The following ADH7 variants were observed in gnomAD, a reference collection of about 807,000 sequenced individuals.
The protein encoded by ADH7 is all-trans-retinol dehydrogenase [NAD(+)] ADH7.
Under a neutral mutation model 34.4 loss-of-function variants are expected in ADH7, and 41 were observed. The observed-to-expected ratio is 1.19, with a 90% CI of 0.93 to 1.55. The LOEUF (loss-of-function observed/expected upper bound fraction) is 1.55. Among genes scored for constraint, ADH7 ranks in the 40% most tolerant of loss-of-function variants. ADH7 has a pLI of 0.00. For missense variants in ADH7, 540 were observed against 461.2 expected (o/e 1.17, Z -1.56); for synonymous variants, 180 against 160.9 (o/e 1.12, Z -0.90).
intron 5 of ADH7, among the ~76,000 whole-genome samples, chr4:99,423,600 G>A (rs1394665770): frequency 2.6e-5 from 4 of 152,102 alleles, no homozygotes; most frequent in Admixed American, 6.5e-5. Flanking sequence ...TCTCATTGTG[G>A]TTTTGATTTG....
At chr4:99,413,424 G>T (rs1721452117) in intron 8 of ADH7, among the ~76,000 whole-genome samples, 1 of 152,130 alleles carries the variant, frequency 6.6e-6, no homozygotes, top group Admixed American at 6.6e-5. Flanking sequence ...CCAGGTTGAG[G>T]AGAAAGCATG....
intron 7 of ADH7, among the ~76,000 whole-genome samples, chr4:99,417,469 A>G (rs1248247740): frequency 6.6e-6 from 1 of 152,178 alleles, no homozygotes; most frequent in East Asian, 1.9e-4. Context: ...TACCTTATCA[A>G]GGAGGCCTTC....
At chr4:99,431,117 C>G (rs749139055) in intron 1 of ADH7, among the ~76,000 whole-genome samples, 15 of 152,034 alleles carry the variant, frequency 9.9e-5, no homozygotes, top group Non-Finnish European at 1.6e-4. Flanking sequence ...TTTTTAAAGT[C>G]AAACTATTTT....
chr4:99,417,936 T>G (rs1203564989), intron 7 of ADH7, among the ~76,000 whole-genome samples: 1 of 152,204 alleles, frequency 6.6e-6, no homozygotes, highest in Non-Finnish European at 1.5e-5. Flanking sequence ...ACTAGCCTCT[T>G]GCTTTTTTAT....
Position 99,420,527 on chromosome 4 carries a change from T to G in ADH7, c.825+6A>C. 2 of 1,609,910 alleles carry G rather than the reference T, an allele frequency of 1.2e-6. No homozygotes were observed. Among genetic ancestry groups the G allele is most frequent in the Non-Finnish European group, 1.7e-6 (2 of 1,176,928 alleles). On this transcript the variant is annotated splice_donor_region_variant and intron_variant, in intron 6 of 8. Transcript: ENST00000437033. ...ATTTTGTGGCTTCTCAAATTTTGGG[T>G]CTTACCATGGTTTCAAGATGCCCAA...
intron 5 of ADH7, among the ~76,000 whole-genome samples, chr4:99,422,544 A>G (rs1420960955): frequency 6.6e-6 from 1 of 151,240 alleles, no homozygotes; most frequent in Non-Finnish European, 1.5e-5. Flanking sequence ...GGACGAGTCA[A>G]CAGATGCAGC....
In ADH7 at chr4:99,419,035, G is replaced by A. The variant is rs753010633; in HGVS notation, c.912C>T (p.Asp304=). Residue 304 remains aspartate, a synonymous_variant, in exon 7 of 9, where the codon GAC becomes GAT. Transcript: ENST00000437033. ...TGCGTCCAGTGAAGAGCAACATCGG[G>A]TCATAGGTGAGCATCTTGGCTGATG... ...VPPSAKMLTY[D]PMLLFTGRTW... The A allele has an allele frequency of 1.9e-6, 3 of 1,613,856 alleles. No individual in the cohort carries two copies. Among genetic ancestry groups the A allele is most frequent in the South Asian group, 2.2e-5 (2 of 91,070 alleles).
intron 5 of ADH7, among the ~76,000 whole-genome samples, chr4:99,422,221 C>T (rs776784309): frequency 5.3e-5 from 8 of 152,162 alleles, no homozygotes; most frequent in Non-Finnish European, 8.8e-5. Flanking sequence ...TATTGCAGCA[C>T]TATTTACAAT....
At chr4:99,432,614 C>T (rs1311643158) in intron 1 of ADH7, 1 of 152,020 alleles carries the variant, frequency 6.6e-6, no homozygotes, top group Non-Finnish European at 1.5e-5. Flanking sequence ...AAATACAATG[C>T]TTACTCAAAT....
In ADH7 at chr4:99,422,676, C is replaced by T. The variant is rs1010694380; in HGVS notation, c.565-1883G>A. ...AGTCATTTGTAAATAAATTTAGATA[C>T]AAATATAAATTTTAGAAATTTGAAT... is the stretch of plus-strand genomic sequence containing the variant. On this transcript the variant is annotated intron_variant, in intron 5 of 8. Coordinates refer to ENST00000437033, the MANE Select transcript of ADH7 (RefSeq NM_000673.7). Among the ~76,000 whole-genome samples the T allele has an allele frequency of 1.5e-4, 23 of 151,702 alleles. 1 individual carries two copies. Among genetic ancestry groups the T allele is most frequent in the Admixed American group, 7.2e-4 (11 of 15,214 alleles).
Position 99,417,931 on chromosome 4 carries a change from C to T in ADH7, c.961+1055G>A, listed in dbSNP as rs146476384. Among the ~76,000 whole-genome samples, 368 of 152,248 alleles carry T rather than the reference C, an allele frequency of 2.4e-3. 3 individuals carry two copies. The highest frequency in any genetic ancestry group is 3.2e-3 in the Non-Finnish European group (221 of 68,022). On this transcript the variant is annotated intron_variant, in intron 7 of 8. Coordinates refer to ENST00000437033, the MANE Select transcript of ADH7 (RefSeq NM_000673.7). ...ATAAAACCTCATCCATACCAACTAG[C>T]CTCTTGCTTTTTTATGCCCCAAGTA...
chr4:99,416,396 A>T (rs539033267), intron 7 of ADH7, among the ~76,000 whole-genome samples: 1 of 152,134 alleles, frequency 6.6e-6, no homozygotes, highest in South Asian at 2.1e-4. Context: ...CTCCATTTTG[A>T]CCCAGACAGG....
At chr4:99,415,103 A>G (rs1721485916) in intron 8 of ADH7, among the ~76,000 whole-genome samples, 1 of 152,106 alleles carries the variant, frequency 6.6e-6, no homozygotes, top group African/African-American at 2.4e-5. Flanking sequence ...AGTTTTCACA[A>G]GATCTGATGG....
In ADH7 at chr4:99,419,117, T is replaced by A; in HGVS notation, c.830A>T (p.Asp277Val). 6.2e-7 allele frequency: 1 copy of A among 1,613,458 alleles called. No individual in the cohort carries two copies. The highest frequency in any genetic ancestry group is 8.5e-7 in the Non-Finnish European group (1 of 1,179,662). ...EVIGHLETMI[D>V]ALASCHMNYG... ...GTTCATGTGGCAGGATGCCAGGGCA[T>A]CAATCTGAGTTTAAAACGGAGGAGA... The change falls in exon 7 of 9, where the codon GAT (aspartate) becomes GTT (valine). Residue 277 changes from aspartate to valine, a missense_variant. By Grantham distance (152) the Asp-to-Val change is radical. Transcript: ENST00000437033.
chr4:99,435,079 G>C (rs1229140412), intron 1 of ADH7, 137 bp downstream of exon 1: 1 of 1,548,142 alleles, frequency 6.5e-7, no homozygotes, highest in Non-Finnish European at 8.7e-7. Flanking sequence ...TTCCCTCACT[G>C]TATGCCTGCT....
chr4:99,428,516 C>T lies in ADH7; in HGVS notation c.235G>A (p.Glu79Lys). 2 of 1,613,544 alleles carry T rather than the reference C, an allele frequency of 1.2e-6. No individual in the cohort carries two copies. The highest frequency in any genetic ancestry group is 1.3e-5 in the African/African-American group (1 of 74,998). The part of the protein sequence containing the change: ...EATGIVESIG[E>K]GVTTVKPGDK... ...CCTGGTTTCACTGTAGTCACTCCTTCTCCAATGCTCTCTACAATCCCAGTT... is the reference window on the plus strand; with the variant it reads ...CCTGGTTTCACTGTAGTCACTCCTTTTCCAATGCTCTCTACAATCCCAGTT... The change falls in exon 3 of 9, where the codon GAA becomes AAA. Residue 79 changes from glutamate to lysine, a missense_variant. Coordinates refer to ENST00000437033, the MANE Select transcript of ADH7 (RefSeq NM_000673.7).
Position 99,413,111 on chromosome 4 carries a change from T to C in ADH7, c.*37A>G. 1 of 1,611,348 alleles carries C rather than the reference T, an allele frequency of 6.2e-7. No individual in the cohort carries two copies. The highest frequency in any genetic ancestry group is 1.7e-4 in the Middle Eastern group (1 of 6,054). ...GAACTCTCACAAGAGAAACTCCAGT[T>C]CACCATGACAACACAGACCTCCTGC... On this transcript the variant is annotated 3_prime_UTR_variant, in exon 9 of 9. Coordinates refer to ENST00000437033, the MANE Select transcript of ADH7 (RefSeq NM_000673.7).
intron 5 of ADH7, among the ~76,000 whole-genome samples, chr4:99,425,551 T>C (rs1297940916): frequency 6.6e-6 from 1 of 152,100 alleles, no homozygotes; most frequent in Non-Finnish European, 1.5e-5. Flanking sequence ...AGCACCCAGA[T>C]TCATAAAGCA....
rs1721588838 is a variant in ADH7 at position 99,419,094 on chromosome 4, T to C, written c.853A>G (p.Asn285Asp). ...CCTACAACCACGCTGGTCCCATAGT[T>C]CATGTGGCAGGATGCCAGGGCATCA... Reference protein sequence around the residue: ...MIDALASCHMNYGTSVVVGVP... With the variant: ...MIDALASCHMDYGTSVVVGVP... Residue 285 changes from asparagine to aspartate, a missense_variant, in exon 7 of 9, where the codon AAC (asparagine) becomes GAC (aspartate). Asn to Asp is a conservative substitution (Grantham distance 23). Coordinates refer to ENST00000437033, the MANE Select transcript of ADH7 (RefSeq NM_000673.7). 6.2e-7 allele frequency: 1 copy of C among 1,613,752 alleles called. No homozygotes were observed. Among genetic ancestry groups the C allele is most frequent in the Non-Finnish European group, 8.5e-7 (1 of 1,179,832 alleles).
Sources: gnomAD v4.1 joint callset for allele counts (sites outside exome capture counted in the v4.1 genomes callset) on GRCh38, gnomAD v4.1.1 for gene constraint, MANE v1.5 for transcripts, NCBI Gene and HGNC (gene_info 2026-07-23, HGNC 2026-07-21) for gene names.